Variants in MYO1H observed in about 807,000 individuals in gnomAD.
MYO1H encodes the protein myosin IH, also known as unconventional myosin-Ih.
A neutral mutation model predicts 149.3 loss-of-function variants in MYO1H; 118 were observed. The observed-to-expected ratio is 0.79, with a 90% confidence interval of 0.68 to 0.92. The LOEUF (loss-of-function observed/expected upper bound fraction) is 0.92, where lower values mean the gene tolerates loss of function less well. MYO1H is among the 40% of genes least tolerant of loss of function. The pLI is 0.00. For synonymous variants in MYO1H, 447 were observed against 465.2 expected (o/e 0.96, Z 0.50); for missense variants, 1,212 against 1,280.7 (o/e 0.95, Z 0.82).
chr12:109,341,229 C>CAAAAAA, the MYO1H span, among the ~76,000 whole-genome samples: 1 of 113,944 alleles, frequency 8.8e-6, no homozygotes, highest in Non-Finnish European at 1.7e-5. Context: ...CGTTCCATCT[C>CAAAAAA]AAAAAAAAAA....
At chr12:109,441,399 T>C (rs1872122451) in intron 25 of MYO1H, among the ~76,000 whole-genome samples, 1 of 152,022 alleles carries the variant, frequency 6.6e-6, no homozygotes, top group Admixed American at 6.6e-5. Context: ...AGGAAGGTAG[T>C]AAGGGAACGA....
chr12:109,312,785 G>GT, the MYO1H span, among the ~76,000 whole-genome samples: 1 of 101,230 alleles, frequency 9.9e-6, no homozygotes, highest in African/African-American at 5.2e-5. Context: ...TTTTTGTTTT[G>GT]TTTTGTTTTT....
chr12:109,365,673 T>C (rs1868851383), intron 1 of MYO1H, among the ~76,000 whole-genome samples: 1 of 152,168 alleles, frequency 6.6e-6, no homozygotes, highest in African/African-American at 2.4e-5. Flanking sequence ...TGATAATACC[T>C]ATTTCACAGG....
chr12:109,421,079 C>A, intron 16 of MYO1H, 52 bp downstream of exon 16: 4 of 1,251,330 alleles, frequency 3.2e-6, no homozygotes, highest in Middle Eastern at 4.0e-4. Flanking sequence ...AAATATTACC[C>A]ATGATAGTGA....
At chr12:109,411,067 C>G (rs771484126) in intron 13 of MYO1H, among the ~76,000 whole-genome samples, 2 of 151,980 alleles carry the variant, frequency 1.3e-5, no homozygotes, top group African/African-American at 4.8e-5. Context: ...GCTTGAACCC[C>G]GGAGGCAGAG....
At chr12:109,355,053 A>C (rs1173237448) in intron 1 of MYO1H, among the ~76,000 whole-genome samples, 1 of 152,166 alleles carries the variant, frequency 6.6e-6, no homozygotes, top group Non-Finnish European at 1.5e-5. Context: ...GTGGGAAAAG[A>C]AGGAAAAGCT....
chr12:109,445,318 C>T (rs1872433528), intron 30 of MYO1H, 195 bp from the exon 31 acceptor site: 2 of 538,636 alleles, frequency 3.7e-6, no homozygotes, highest in Admixed American at 3.4e-5. Context: ...CTCATGGTAA[C>T]TACAGAAACA....
At chr12:109,390,602 C>T (rs527714504) in intron 2 of MYO1H, among the ~76,000 whole-genome samples, 7 of 151,516 alleles carry the variant, frequency 4.6e-5, no homozygotes, top group Non-Finnish European at 7.4e-5. Flanking sequence ...GTGCCAGTAG[C>T]GGGAGTGTTT....
upstream of MYO1H, among the ~76,000 whole-genome samples, chr12:109,346,434 TAAA>T: frequency 6.6e-6 from 1 of 152,304 alleles, no homozygotes; most frequent in Non-Finnish European, 1.5e-5. Context: ...ATATTTCAAT[TAAA>T]AATATATTTC....
intron 8 of MYO1H, 142 bp downstream of exon 8, chr12:109,406,177 G>A (rs933316808): frequency 6.4e-6 from 4 of 621,918 alleles, no homozygotes; most frequent in Non-Finnish European, 8.5e-6. Context: ...TAAAGAGTGG[G>A]GGTTTGAAGG....
chr12:109,347,517 C>T (rs1021226041), upstream of MYO1H, among the ~76,000 whole-genome samples: 1 of 152,176 alleles, frequency 6.6e-6, no homozygotes, highest in Non-Finnish European at 1.5e-5. Context: ...ACAGAGCCAA[C>T]AGGTACTTCC....
intron 19 of MYO1H, among the ~76,000 whole-genome samples, chr12:109,429,070 A>G (rs1343871962): frequency 6.6e-6 from 1 of 152,218 alleles, no homozygotes; most frequent in East Asian, 1.9e-4. Flanking sequence ...AGCCAGGCAT[A>G]GTGGCGCATG....
Position 109,397,730 on chromosome 12 carries a change from A to G in MYO1H, c.490-2A>G. ...ACAGTGAATGACACTTTGTATTCCAAGGCTTTTGGAAATGCCAGAACGCTC... is the reference window on the plus strand; with the variant it reads ...ACAGTGAATGACACTTTGTATTCCAGGGCTTTTGGAAATGCCAGAACGCTC... On this transcript the variant is annotated splice_acceptor_variant, in intron 4 of 31. Coordinates refer to ENST00000310903, the Ensembl canonical transcript of MYO1H. LOFTEE classifies it high-confidence loss of function. 1 of 1,609,576 alleles carries G rather than the reference A, an allele frequency of 6.2e-7. No homozygotes were observed. Among genetic ancestry groups the G allele is most frequent in the Non-Finnish European group, 8.5e-7 (1 of 1,177,904 alleles).
intron 5 of MYO1H, among the ~76,000 whole-genome samples, chr12:109,398,951 C>T (rs190423574): frequency 1.8e-4 from 27 of 151,968 alleles, no homozygotes; most frequent in African/African-American, 5.8e-4. Context: ...AGTGAATGAG[C>T]GTAGCTGTGT....
intron 31 of MYO1H, among the ~76,000 whole-genome samples, chr12:109,446,829 A>C (rs972378132): frequency 6.6e-6 from 1 of 152,216 alleles, no homozygotes; most frequent in Admixed American, 6.5e-5. Context: ...TCCTTTGGGG[A>C]CAAGTTAAAA....
Position 109,391,370 on chromosome 12 carries a change from T to A in MYO1H, c.175-1961T>A, listed in dbSNP as rs558025712. On this transcript the variant is annotated intron_variant, in intron 2 of 31. Transcript: ENST00000310903. ...TCCTGCATTAGTTTGCTGAGGATAA[T>A]GGCTTCTAGCTACTTCCATGTCCCA... Among the ~76,000 whole-genome samples, 2 of 152,344 alleles carry A rather than the reference T, an allele frequency of 1.3e-5. 1 individual carries two copies. The highest frequency in any genetic ancestry group is 4.1e-4 in the South Asian group (2 of 4,826).
chr12:109,427,535 T>TG lies in MYO1H; in HGVS notation c.1899dup (p.Arg634GlufsTer74), dbSNP rs1461009755. ...CTGGGGCTGATGGAGCACCTGCGGG[T>TG]GAGACGGGCTGGTTTTGCATACCGA... On this transcript the variant is annotated frameshift_variant, in exon 19 of 32. Coordinates refer to ENST00000310903, the Ensembl canonical transcript of MYO1H. LOFTEE classifies it high-confidence loss of function. 1 of 1,613,098 alleles carries TG rather than the reference T, an allele frequency of 6.2e-7. No individual in the cohort carries two copies. Among genetic ancestry groups the TG allele is most frequent in the Non-Finnish European group, 8.5e-7 (1 of 1,179,400 alleles).
At chr12:109,431,161 C>T (rs979649379) in intron 19 of MYO1H, among the ~76,000 whole-genome samples, 34 of 151,894 alleles carry the variant, frequency 2.2e-4, no homozygotes, top group African/African-American at 6.5e-4. Context: ...GGGTGGATCA[C>T]GAGGCCAGGA....
At chr12:109,314,729 A>G in the MYO1H span, among the ~76,000 whole-genome samples, 3 of 152,202 alleles carry the variant, frequency 2.0e-5, no homozygotes, top group Admixed American at 6.5e-5. Context: ...AAGGTGCTCA[A>G]CAGGCAACAG....
Sources: allele counts gnomAD v4.1 joint callset (sites outside exome capture counted in the v4.1 genomes callset), GRCh38; gene constraint gnomAD v4.1.1; transcripts MANE v1.5; gene names NCBI Gene and HGNC (gene_info 2026-07-23, HGNC 2026-07-21).